ESRRG: variants seen among roughly 807,000 people sequenced by gnomAD.
ESRRG encodes estrogen-related receptor gamma.
ESRRG carries 13 observed loss-of-function variants against 44.0 expected under a neutral mutation model. The ratio of observed to expected loss-of-function variants is 0.30; its 90% CI spans 0.19 to 0.47. The LOEUF (loss-of-function observed/expected upper bound fraction) is 0.47, where lower values mean the gene tolerates loss of function less well. ESRRG is among the 20% of genes least tolerant of loss of function. ESRRG has a pLI of 1.00. For synonymous variants in ESRRG, 215 were observed against 214.6 expected, an observed-to-expected ratio of 1.00 and a Z score of -0.02; for missense variants, 395 against 580.6, an observed-to-expected ratio of 0.68 and a Z score of 3.29.
intron 2 of ESRRG, among the ~76,000 whole-genome samples, chr1:216,902,907 CT>C (rs2059251551): frequency 6.6e-6 from 1 of 152,144 alleles, no homozygotes; most frequent in East Asian, 1.9e-4. Flanking sequence ...TGCTAGCCAA[CT>C]GAACTCCATC....
intron 1 of ESRRG, among the ~76,000 whole-genome samples, chr1:216,992,334 C>T (rs2075834296): frequency 1.3e-5 from 2 of 152,178 alleles, no homozygotes; most frequent in South Asian, 2.1e-4. Flanking sequence ...CACTCAAATG[C>T]AACCTGTTCT....
At chr1:217,118,594 A>G (rs2092770721) in intron 1 of ESRRG, among the ~76,000 whole-genome samples, 1 of 152,190 alleles carries the variant, frequency 6.6e-6, no homozygotes, top group Non-Finnish European at 1.5e-5. Context: ...AAGAAAATAA[A>G]TCACACATGC....
chr1:216,924,752 G>T (rs917303482), intron 2 of ESRRG, among the ~76,000 whole-genome samples: 3 of 152,122 alleles, frequency 2.0e-5, no homozygotes, highest in African/African-American at 7.2e-5. Context: ...CTCCAGCCAC[G>T]GTGTATTTAT....
At chr1:216,967,167 T>C (rs6657447) in intron 1 of ESRRG, among the ~76,000 whole-genome samples, 77,675 of 151,506 alleles carry the variant, frequency 0.51, 21,669 homozygotes, top group Middle Eastern at 0.7. Flanking sequence ...ATACACAGCA[T>C]CGCCCCCCCT....
At chr1:216,903,531 C>G (rs1234713206) in intron 2 of ESRRG, among the ~76,000 whole-genome samples, 2 of 151,856 alleles carry the variant, frequency 1.3e-5, no homozygotes, top group East Asian at 3.9e-4. Context: ...AATCTGATTG[C>G]TCAGCTGTAA....
intron 1 of ESRRG, among the ~76,000 whole-genome samples, chr1:216,945,332 C>T (rs577496672): frequency 3.0e-4 from 46 of 152,072 alleles, no homozygotes; most frequent in African/African-American, 1.1e-3. Context: ...AACTGAGAGC[C>T]ATCAATTATT....
chr1:217,028,543 G>A (rs991079186), intron 1 of ESRRG, among the ~76,000 whole-genome samples: 2 of 152,188 alleles, frequency 1.3e-5, no homozygotes, highest in Admixed American at 6.5e-5. Flanking sequence ...TCTCCCAGGA[G>A]AGGGGTGAGA....
chr1:216,900,244 A>T (rs2058911700), intron 2 of ESRRG, among the ~76,000 whole-genome samples: 1 of 152,230 alleles, frequency 6.6e-6, no homozygotes, highest in Non-Finnish European at 1.5e-5. Flanking sequence ...GTCAAAGAAG[A>T]TGAGTTATCT....
intron 1 of ESRRG, among the ~76,000 whole-genome samples, chr1:216,999,655 G>C (rs1186494176): frequency 6.6e-6 from 1 of 152,184 alleles, no homozygotes; most frequent in Non-Finnish European, 1.5e-5. Context: ...TGAAAAATCT[G>C]TAGATTCGCT....
At chr1:216,952,130 T>C (rs928595048) in intron 1 of ESRRG, among the ~76,000 whole-genome samples, 2 of 152,148 alleles carry the variant, frequency 1.3e-5, no homozygotes, top group African/African-American at 4.8e-5. Context: ...ACACCCCCAC[T>C]GGTCTTTGAG....
upstream of ESRRG, among the ~76,000 whole-genome samples, chr1:217,093,387 G>A (rs2252089): frequency 0.43 from 65,296 of 151,416 alleles, 15,514 homozygotes; most frequent in East Asian, 0.57. Context: ...TGAAGGATGC[G>A]AAAAAAATGC....
At chr1:216,978,629 GT>G (rs1330597408) in intron 1 of ESRRG, among the ~76,000 whole-genome samples, 1 of 152,158 alleles carries the variant, frequency 6.6e-6, no homozygotes, top group Non-Finnish European at 1.5e-5. Flanking sequence ...CAGTTTCTCA[GT>G]ACCCCAATAC....
intron 1 of ESRRG, among the ~76,000 whole-genome samples, chr1:217,116,367 G>C (rs1033394351): frequency 4.6e-5 from 7 of 152,170 alleles, no homozygotes; most frequent in African/African-American, 1.7e-4. Flanking sequence ...TGAGTTTCCT[G>C]ATGTGTTTTA....
At chr1:217,118,245 T>G (rs2092763781) in intron 1 of ESRRG, among the ~76,000 whole-genome samples, 1 of 152,262 alleles carries the variant, frequency 6.6e-6, no homozygotes. Context: ...AACAGTCTGA[T>G]TCTGAATCCT....
At chr1:216,671,121 G>A (rs2075088665) in intron 2 of ESRRG, among the ~76,000 whole-genome samples, 1 of 152,152 alleles carries the variant, frequency 6.6e-6, no homozygotes, top group Admixed American at 6.5e-5. Flanking sequence ...ACCTCACACA[G>A]GGAAGATATG....
chr1:216,949,934 T>G (rs1349176768), intron 1 of ESRRG, among the ~76,000 whole-genome samples: 1 of 152,104 alleles, frequency 6.6e-6, no homozygotes, highest in East Asian at 1.9e-4. Flanking sequence ...AGCCTCAGCC[T>G]CCCAAGTAGC....
intron 1 of ESRRG, among the ~76,000 whole-genome samples, chr1:217,128,281 A>G (rs977670234): frequency 6.6e-6 from 1 of 152,266 alleles, no homozygotes; most frequent in Non-Finnish European, 1.5e-5. Context: ...CAACCAATTT[A>G]AAACAATAAG....
At chr1:217,101,571 T>C (rs1007226215) in intron 1 of ESRRG, among the ~76,000 whole-genome samples, 4 of 152,178 alleles carry the variant, frequency 2.6e-5, no homozygotes, top group African/African-American at 9.7e-5. Context: ...GCTCCTTGGC[T>C]CCTAGTCTTG....
intron 5 of ESRRG, among the ~76,000 whole-genome samples, chr1:216,523,281 A>G (rs1476809064): frequency 6.6e-6 from 1 of 152,162 alleles, no homozygotes; most frequent in Non-Finnish European, 1.5e-5. Flanking sequence ...GCAGTTAAAT[A>G]GCATGTTTAT....
Sources: allele counts gnomAD v4.1 joint callset (sites outside exome capture counted in the v4.1 genomes callset), GRCh38; gene constraint gnomAD v4.1.1; transcripts MANE v1.5; gene names NCBI Gene and HGNC (gene_info 2026-07-23, HGNC 2026-07-21).